The following CSNK1A1 variants were observed in gnomAD, a reference collection of about 807,000 sequenced individuals.
CSNK1A1 encodes casein kinase 1 alpha 1.
In CSNK1A1, 7 loss-of-function variants were observed where a neutral mutation model predicts 46.1. That is an observed-to-expected ratio of 0.15 (90% confidence interval 0.09 to 0.29). The LOEUF is 0.29. Among genes scored for constraint, CSNK1A1 ranks in the 10% least tolerant of loss-of-function variants. The probability of loss-of-function intolerance (pLI) is 1.00; values close to 1 mark genes in which losing one functional copy is unlikely to be tolerated. For synonymous variants in CSNK1A1, 137 were observed against 141.5 expected (o/e 0.97, Z 0.23); for missense variants, 96 against 417.1 (o/e 0.23, Z 6.71).
At chr5:149,542,609 T>C (rs1580861078) in intron 2 of CSNK1A1, among the ~76,000 whole-genome samples, 2 of 10,598 alleles carry the variant, frequency 1.9e-4, no homozygotes, top group Non-Finnish European at 1.4e-4. Flanking sequence ...TATATATATA[T>C]ATATATATAT....
chr5:149,536,207 C>T (rs1267747667), intron 2 of CSNK1A1, among the ~76,000 whole-genome samples: 1 of 152,158 alleles, frequency 6.6e-6, no homozygotes, highest in Non-Finnish European at 1.5e-5. Context: ...CCCACCTCGG[C>T]CTCCCAAAGT....
At position 149,550,304 on chromosome 5, in the gene CSNK1A1, G is replaced by A. The variant is rs1284197365; in HGVS notation, c.124-123C>T. 1 of 1,485,352 alleles carries A rather than the reference G, an allele frequency of 6.7e-7. No homozygotes were observed. Among genetic ancestry groups the A allele is most frequent in the Non-Finnish European group, 8.9e-7 (1 of 1,123,528 alleles). 92.0% of individuals were successfully genotyped at this position (1,485,352 alleles called of 1,614,324 possible). A position where few individuals can be genotyped will look rare whatever the true frequency, so the allele number is the denominator to read the frequency against. On this transcript the variant is annotated intron_variant, in intron 1 of 9. Coordinates refer to ENST00000377843, the MANE Select transcript of CSNK1A1 (RefSeq NM_001892.6). The surrounding 1 kb of genome is among the most constrained non-coding windows in gnomAD (Gnocchi z 4.3). Reference sequence around the variant, plus strand: ...ACAAGAAGAAGTGAAAAGCTGGAAAGAGAAAGCTCTCGGTAATTATAAAAC... The same window carrying A: ...ACAAGAAGAAGTGAAAAGCTGGAAAAAGAAAGCTCTCGGTAATTATAAAAC...
At chr5:149,529,514 G>A (rs12163992) in intron 2 of CSNK1A1, 75,274 of 284,392 alleles carry the variant, frequency 0.26, 11,051 homozygotes, top group Admixed American at 0.42. Flanking sequence ...AACTAAATCT[G>A]TCTAAAGAGG....
chr5:149,542,871 T>C lies in CSNK1A1; in HGVS notation c.230+7204A>G, dbSNP rs571765785. On this transcript the variant is annotated intron_variant, in intron 2 of 9. Coordinates refer to ENST00000377843, the MANE Select transcript of CSNK1A1 (RefSeq NM_001892.6). ...CCACCATGCTTGGCTAATTTTTGTATTTCAGTAGAGATGGGGTTTCACCAT... is the reference window on the plus strand; with the variant it reads ...CCACCATGCTTGGCTAATTTTTGTACTTCAGTAGAGATGGGGTTTCACCAT... Among the ~76,000 whole-genome samples, 28 of 149,598 alleles carry C rather than the reference T, an allele frequency of 1.9e-4. No individual in the cohort carries two copies. In the South Asian group the frequency reaches 5.7e-3, roughly 31 times the overall value.
At chr5:149,537,412 G>A (rs1762091957) in intron 2 of CSNK1A1, among the ~76,000 whole-genome samples, 1 of 151,900 alleles carries the variant, frequency 6.6e-6, no homozygotes, top group African/African-American at 2.4e-5. Context: ...GACCAACAAT[G>A]ATAAAATGCC....
At chr5:149,526,594 G>C (rs1193772699) in intron 2 of CSNK1A1, among the ~76,000 whole-genome samples, 2 of 152,164 alleles carry the variant, frequency 1.3e-5, no homozygotes, top group Non-Finnish European at 2.9e-5. Flanking sequence ...ATTAAAACTA[G>C]AGTATGAGGA....
intron 2 of CSNK1A1, among the ~76,000 whole-genome samples, chr5:149,535,207 C>G (rs556353069): frequency 1.3e-5 from 2 of 152,186 alleles, no homozygotes; most frequent in Admixed American, 6.5e-5. Flanking sequence ...CCTGACTCTC[C>G]TCCTGCTTTA....
intron 9 of CSNK1A1, chr5:149,501,899 TTATG>T: frequency 1.0e-6 from 1 of 960,430 alleles, no homozygotes; most frequent in Non-Finnish European, 1.2e-6. Flanking sequence ...GGTGTGAATC[TTATG>T]TATTTTTCTT....
At chr5:149,503,960 T>C (rs1760951824) in intron 9 of CSNK1A1, 1 of 985,344 alleles carries the variant, frequency 1.0e-6, no homozygotes. Context: ...CTATAGGTTG[T>C]CAGGTGTAAC....
rs974953912 is a variant in CSNK1A1 at position 149,496,851 on chromosome 5, G to A, written c.*2C>T. 4 of 1,555,156 alleles carry A rather than the reference G, an allele frequency of 2.6e-6. No individual in the cohort carries two copies. The highest frequency in any genetic ancestry group is 3.5e-6 in the Non-Finnish European group (4 of 1,151,578). On this transcript the variant is annotated 3_prime_UTR_variant, in exon 10 of 10. Transcript: ENST00000377843. Reference sequence around the variant, plus strand: ...CTGCTTCTTCTGTTCCTCAATTCATGCTTAGAAACCTGGTAAAAAATCAAA... The same window carrying A: ...CTGCTTCTTCTGTTCCTCAATTCATACTTAGAAACCTGGTAAAAAATCAAA...
intron 4 of CSNK1A1, among the ~76,000 whole-genome samples, chr5:149,515,590 T>C (rs1316664131): frequency 2.6e-5 from 4 of 152,164 alleles, no homozygotes; most frequent in African/African-American, 7.2e-5. Flanking sequence ...TGAACAAAGA[T>C]AGCCTATTCT....
intron 9 of CSNK1A1, chr5:149,504,419 G>C: frequency 1.0e-6 from 1 of 984,046 alleles, no homozygotes; most frequent in Non-Finnish European, 1.2e-6. Flanking sequence ...TAAAGGCCAA[G>C]TTCAGACTAG....
intron 6 of CSNK1A1, among the ~76,000 whole-genome samples, chr5:149,510,431 A>G (rs921801312): frequency 2.0e-5 from 3 of 151,476 alleles, no homozygotes; most frequent in Non-Finnish European, 4.4e-5. Flanking sequence ...CATCATACCC[A>G]GCTGAAAAGC....
Position 149,494,277 on chromosome 5 carries a change from T to C in CSNK1A1, c.*2576A>G, listed in dbSNP as rs1407226698. On this transcript the variant is annotated 3_prime_UTR_variant, in exon 10 of 10. Transcript: ENST00000377843. ...CATTGTGAAAGCAAACCTCCAAATA[T>C]TCATTTGTAAGCCATAAGAGGATAA... 3.3e-5 allele frequency: 5 copies of C among 152,188 alleles called. No homozygotes were observed. The highest frequency in any genetic ancestry group is 1.3e-4 in the Admixed American group (2 of 15,276). 9.4% of individuals were successfully genotyped at this position (152,188 alleles called of 1,614,324 possible).
At chr5:149,546,440 C>T (rs1230566323) in intron 2 of CSNK1A1, among the ~76,000 whole-genome samples, 1 of 151,830 alleles carries the variant, frequency 6.6e-6, no homozygotes, top group Non-Finnish European at 1.5e-5. Flanking sequence ...GGAGACCATC[C>T]TGGCCAAAAT....
intron 9 of CSNK1A1, chr5:149,504,573 T>G: frequency 1.0e-6 from 1 of 985,384 alleles, no homozygotes; most frequent in Non-Finnish European, 1.2e-6. Context: ...TTAAACTGTA[T>G]AGCAACAGTG....
chr5:149,499,223 A>G, intron 9 of CSNK1A1: 4 of 983,410 alleles, frequency 4.1e-6, no homozygotes, highest in Non-Finnish European at 4.8e-6. Context: ...TGGCTCATCC[A>G]GGCTTCCAAG....
intron 4 of CSNK1A1, among the ~76,000 whole-genome samples, 191 bp downstream of exon 4, chr5:149,520,099 T>C (rs998680335): frequency 9.9e-5 from 15 of 152,208 alleles, no homozygotes; most frequent in African/African-American, 3.1e-4. Flanking sequence ...GTTGGGTAAG[T>C]TGAAGATAAT....
At chr5:149,521,434 C>T (rs1334058212) in intron 3 of CSNK1A1, among the ~76,000 whole-genome samples, 1 of 151,884 alleles carries the variant, frequency 6.6e-6, no homozygotes, top group South Asian at 2.1e-4. Flanking sequence ...CTACACCTGG[C>T]TAATTTTTTT....
Sources: allele counts gnomAD v4.1 joint callset (sites outside exome capture counted in the v4.1 genomes callset), GRCh38; gene constraint gnomAD v4.1.1; non-coding constraint Gnocchi (gnomAD v3.1); transcripts MANE v1.5; gene names NCBI Gene and HGNC (gene_info 2026-07-23, HGNC 2026-07-21).